The following ADK variants were observed in gnomAD, a reference collection of about 807,000 sequenced individuals.
ADK encodes the protein adenosine kinase.
A neutral mutation model predicts 44.7 loss-of-function variants in ADK; 24 were observed. The observed-to-expected ratio is 0.54, with a 90% CI of 0.39 to 0.76. The LOEUF (loss-of-function observed/expected upper bound fraction) is 0.76, where lower values mean the gene tolerates loss of function less well. Among genes scored for constraint, ADK ranks in the 30% least tolerant of loss-of-function variants. The pLI is 0.00. For missense variants in ADK, 321 were observed against 425.1 expected (o/e 0.76, Z 2.15); for synonymous variants, 128 against 142.6 (o/e 0.90, Z 0.73).
At chr10:74,695,462 G>GTA (rs202094500) in intron 10 of ADK, among the ~76,000 whole-genome samples, 367 of 141,454 alleles carry the variant, frequency 2.6e-3, no homozygotes, top group East Asian at 7.2e-3. Flanking sequence ...TGTTGCTCTT[G>GTA]TATATATATA....
chr10:74,406,147 T>G (rs1015265009), intron 6 of ADK, among the ~76,000 whole-genome samples: 4 of 152,196 alleles, frequency 2.6e-5, no homozygotes, highest in African/African-American at 9.7e-5. Context: ...GAGATACGTA[T>G]TTTTTATTCT....
chr10:74,326,876 C>T (rs1181710767), intron 4 of ADK, among the ~76,000 whole-genome samples: 3 of 151,842 alleles, frequency 2.0e-5, no homozygotes, highest in African/African-American at 7.2e-5. Context: ...TCTCTGGGAT[C>T]AATTGTAGTG....
chr10:74,668,179 T>C (rs887886548), intron 9 of ADK, among the ~76,000 whole-genome samples: 36 of 152,348 alleles, frequency 2.4e-4, no homozygotes, highest in African/African-American at 8.4e-4. Flanking sequence ...CCCTGTATAG[T>C]GTAGCTTGTA....
intron 6 of ADK, among the ~76,000 whole-genome samples, chr10:74,454,877 C>T (rs1845888773): frequency 6.6e-6 from 1 of 152,124 alleles, no homozygotes; most frequent in Non-Finnish European, 1.5e-5. Context: ...AGAAAAGATG[C>T]TCCTTTATAG....
intron 3 of ADK, among the ~76,000 whole-genome samples, chr10:74,294,885 T>C (rs983978748): frequency 3.9e-5 from 6 of 152,068 alleles, no homozygotes; most frequent in African/African-American, 1.4e-4. Flanking sequence ...AGACAGGGTC[T>C]TGCTCCGTTG....
chr10:74,304,366 A>G (rs903600785), intron 3 of ADK, among the ~76,000 whole-genome samples: 1 of 152,178 alleles, frequency 6.6e-6, no homozygotes, highest in African/African-American at 2.4e-5. Flanking sequence ...TTCAAGGTAA[A>G]TGAAATGAAA....
At chr10:74,237,852 A>T (rs1845030259) in intron 3 of ADK, among the ~76,000 whole-genome samples, 1 of 152,094 alleles carries the variant, frequency 6.6e-6, no homozygotes, top group African/African-American at 2.4e-5. Flanking sequence ...TAATTCCAGG[A>T]CTTTGGGAGA....
chr10:74,216,582 G>A lies in ADK; in HGVS notation c.141-7956G>A, dbSNP rs190891714. ...TCTACTTAAAATACGAAAATTAGCC[G>A]GGCGTGGGGGTGCATGCCTGTAGTC... is the stretch of plus-strand genomic sequence containing the variant. On this transcript the variant is annotated intron_variant, in intron 2 of 10. Coordinates refer to ENST00000539909, the MANE Select transcript of ADK (RefSeq NM_006721.4). 8.8e-4 allele frequency among the ~76,000 whole-genome samples: 133 copies of A among 151,870 alleles called. 2 individuals are homozygous for A. Among genetic ancestry groups the A allele is most frequent in the Non-Finnish European group, 7.8e-4 (53 of 67,970 alleles).
chr10:74,409,096 A>C (rs959961229), intron 6 of ADK, among the ~76,000 whole-genome samples: 1 of 152,196 alleles, frequency 6.6e-6, no homozygotes, highest in Non-Finnish European at 1.5e-5. Context: ...ATAGTTGTTC[A>C]TCTATGTGTA....
intron 6 of ADK, among the ~76,000 whole-genome samples, chr10:74,483,074 C>T (rs935646672): frequency 1.3e-5 from 2 of 152,222 alleles, no homozygotes; most frequent in African/African-American, 4.8e-5. Context: ...CACATTTCTC[C>T]TTTGCATTGC....
intron 7 of ADK, chr10:74,527,731 C>T (rs1022813180): frequency 1.3e-6 from 2 of 1,534,132 alleles, no homozygotes; most frequent in Non-Finnish European, 1.8e-6. Context: ...TAGTCATATT[C>T]AGACACCAGT....
intron 9 of ADK, among the ~76,000 whole-genome samples, chr10:74,604,923 G>C (rs1852264816): frequency 6.6e-6 from 1 of 152,088 alleles, no homozygotes; most frequent in Admixed American, 6.5e-5. Flanking sequence ...TTATTTCCTT[G>C]AGCAATGGTT....
At chr10:74,561,455 T>A (rs1430316318) in intron 7 of ADK, among the ~76,000 whole-genome samples, 6 of 152,196 alleles carry the variant, frequency 3.9e-5, no homozygotes, top group Admixed American at 3.9e-4. Flanking sequence ...AATCAAGGGA[T>A]CAGGCATCAA....
intron 7 of ADK, among the ~76,000 whole-genome samples, chr10:74,546,797 G>A (rs952422128): frequency 6.6e-6 from 1 of 151,890 alleles, no homozygotes; most frequent in Admixed American, 6.6e-5. Context: ...TATTCTGGAG[G>A]TTTATAGACA....
chr10:74,676,716 C>T (rs1589361380), intron 10 of ADK, among the ~76,000 whole-genome samples: 1 of 152,142 alleles, frequency 6.6e-6, no homozygotes. Context: ...GCCTAGGACT[C>T]CCAAAGTGCT....
chr10:74,181,860 T>A (rs1014541477), intron 1 of ADK, among the ~76,000 whole-genome samples: 1 of 151,964 alleles, frequency 6.6e-6, no homozygotes, highest in Non-Finnish European at 1.5e-5. Context: ...GGAAATGGAG[T>A]TGGGGAATAT....
intron 6 of ADK, among the ~76,000 whole-genome samples, chr10:74,444,490 A>T (rs553209855): frequency 1.3e-5 from 2 of 152,216 alleles, no homozygotes; most frequent in African/African-American, 2.4e-5. Context: ...CTTCCCTGTT[A>T]CAAGTTAAAT....
intron 3 of ADK, among the ~76,000 whole-genome samples, chr10:74,302,105 GTTTGTTTTTTTTTTTTTTTTTTTTTTTTT>G (rs1840067399): frequency 2.2e-5 from 2 of 88,932 alleles, no homozygotes; most frequent in African/African-American, 5.3e-5. Context: ...TTTTTTGTTT[GTTTGTTTTTTTTTTTTTTTTTTTTTTTTT>G]TTTTTTTTTT....
At chr10:74,483,377 C>T (rs1321243299) in intron 6 of ADK, among the ~76,000 whole-genome samples, 1 of 152,160 alleles carries the variant, frequency 6.6e-6, no homozygotes, top group Non-Finnish European at 1.5e-5. Context: ...GGAAAGCACT[C>T]TTCGCTTTTA....
Sources: allele counts gnomAD v4.1 joint callset (sites outside exome capture counted in the v4.1 genomes callset), GRCh38; gene constraint gnomAD v4.1.1; transcripts MANE v1.5; gene names NCBI Gene and HGNC (gene_info 2026-07-23, HGNC 2026-07-21).